PPP1R13B: variants seen among roughly 807,000 people sequenced by gnomAD.
PPP1R13B encodes the protein apoptosis-stimulating of p53 protein 1.
Under a neutral mutation model 119.8 loss-of-function variants are expected in PPP1R13B, and 44 were observed. That is an observed-to-expected ratio of 0.37 (90% CI 0.29 to 0.47). PPP1R13B has a LOEUF of 0.47. Ranked by LOEUF, PPP1R13B falls within the 20% of genes least tolerant of loss-of-function variation. The pLI is 0.99. For missense variants in PPP1R13B, 1,227 were observed against 1,413.5 expected (o/e 0.87, Z 2.12); for synonymous variants, 542 against 561.5 (o/e 0.97, Z 0.49).
chr14:103,743,315 G>A (rs1244067436), intron 9 of PPP1R13B, among the ~76,000 whole-genome samples: 1 of 152,212 alleles, frequency 6.6e-6, no homozygotes, highest in Non-Finnish European at 1.5e-5. Flanking sequence ...GCCCTCTAAG[G>A]TAACTTATGA....
At chr14:103,847,001 C>G (rs1188682274) in intron 1 of PPP1R13B, 6 of 1,179,684 alleles carry the variant, frequency 5.1e-6, no homozygotes, top group Admixed American at 3.9e-5. Context: ...AGCGTCCGAC[C>G]GCGCACCTGA....
chr14:103,789,365 T>A (rs2085556037), intron 2 of PPP1R13B, among the ~76,000 whole-genome samples: 1 of 151,694 alleles, frequency 6.6e-6, no homozygotes, highest in African/African-American at 2.4e-5. Flanking sequence ...ATTACAGGCA[T>A]GCGCCACCAC....
chr14:103,833,639 T>C (rs1288096661), intron 1 of PPP1R13B, among the ~76,000 whole-genome samples: 2 of 151,966 alleles, frequency 1.3e-5, no homozygotes, highest in East Asian at 1.9e-4. Context: ...CGAGACTCCA[T>C]CTCAAAAAAA....
rs1314819508 is a variant in PPP1R13B at position 103,797,389 on chromosome 14, C to T, written c.139G>A (p.Glu47Lys). The change falls in exon 2 of 17, where the codon GAA becomes AAA. Residue 47 changes from glutamate to lysine, a missense_variant. Physicochemically the swap from Glu to Lys is moderately conservative, Grantham distance 56 (BLOSUM62 1). Coordinates refer to ENST00000202556, the MANE Select transcript of PPP1R13B (RefSeq NM_015316.3). ...TACATACCATTTCCCCTCCACACTT[C>T]AGCTAAATGGCAGCTGCCTTCTCCA... is the stretch of plus-strand genomic sequence containing the variant. ...EPGEGSCHLA[E>K]VWRGNERPIP... The T allele has an allele frequency of 1.9e-6, 3 of 1,613,908 alleles. No homozygotes were observed. The highest frequency in any genetic ancestry group is 2.5e-6 in the Non-Finnish European group (3 of 1,179,976).
At chr14:103,766,507 G>A (rs1300299159) in intron 4 of PPP1R13B, among the ~76,000 whole-genome samples, 4 of 152,238 alleles carry the variant, frequency 2.6e-5, no homozygotes, top group Non-Finnish European at 5.9e-5. Flanking sequence ...CTTGGTATCC[G>A]TGGTTGCTCC....
Position 103,734,711 on chromosome 14 carries a change from G to A in PPP1R13B, c.*443C>T, listed in dbSNP as rs1189053410. 1 of 458,670 alleles carries A rather than the reference G, an allele frequency of 2.2e-6. No individual in the cohort carries two copies. Among genetic ancestry groups the A allele is most frequent in the Non-Finnish European group, 4.4e-6 (1 of 228,188 alleles). The allele number at this position is 458,670 out of a possible 1,614,324, so 28.4% of individuals were successfully genotyped here. ...GATCATGTGTGGGAAGTGTGAGAAA[G>A]GATGAGTGTCCGATTCGGTGACGGG... On this transcript the variant is annotated 3_prime_UTR_variant, in exon 17 of 17. Transcript: ENST00000202556.
intron 1 of PPP1R13B, among the ~76,000 whole-genome samples, chr14:103,821,941 T>A (rs543493105): frequency 6.6e-6 from 1 of 152,066 alleles, no homozygotes; most frequent in East Asian, 1.9e-4. Flanking sequence ...AATTGAGCTA[T>A]CATAAAATTA....
At position 103,745,146 on chromosome 14, in the gene PPP1R13B, G is replaced by A. The variant is rs2084355404; in HGVS notation, c.1150+1227C>T. 5.9e-5 allele frequency among the ~76,000 whole-genome samples: 9 copies of A among 152,218 alleles called. No individual in the cohort carries two copies. In the South Asian group the frequency reaches 1.9e-3, roughly 32 times the overall value. On this transcript the variant is annotated intron_variant, in intron 9 of 16. Transcript: ENST00000202556. Reference sequence around the variant, plus strand: ...CAACCCCACACTTTATGTGGCTGCTGAGACACGGCCGTAAGGGATCTGAGT... The same window carrying A: ...CAACCCCACACTTTATGTGGCTGCTAAGACACGGCCGTAAGGGATCTGAGT...
chr14:103,742,147 T>C lies in PPP1R13B; in HGVS notation c.1465A>G (p.Arg489Gly). The change falls in exon 11 of 17, where the codon AGG becomes GGG. Residue 489 changes from arginine to glycine, a missense_variant. Coordinates refer to ENST00000202556, the MANE Select transcript of PPP1R13B (RefSeq NM_015316.3). This position sits in a 1 kb window ranked among gnomAD's most constrained non-coding sequence, Gnocchi z 4.9. ...CGACTTGGCAGGCCTGCACTGGGCC[T>C]GGGCAAGCTGCCTTCCTTCCTCCTT... is the stretch of plus-strand genomic sequence containing the variant. ...LERRKEGSLP[R>G]PSAGLPSRQR... 6.2e-7 allele frequency: 1 copy of C among 1,611,458 alleles called. No homozygotes were observed. Among genetic ancestry groups the C allele is most frequent in the Non-Finnish European group, 8.5e-7 (1 of 1,180,006 alleles).
intron 1 of PPP1R13B, among the ~76,000 whole-genome samples, chr14:103,834,611 AC>A (rs2086733829): frequency 9.1e-6 from 1 of 110,236 alleles, no homozygotes; most frequent in East Asian, 2.7e-4. Flanking sequence ...TTTTTTTGAG[AC>A]CGAGTTTCGC....
rs775624271 is a variant in PPP1R13B, at chr14:103,736,101, C to T, written c.3133G>A (p.Ala1045Thr). 10 of 1,614,096 alleles carry T rather than the reference C, an allele frequency of 6.2e-6. No homozygotes were observed. Among genetic ancestry groups the T allele is most frequent in the African/African-American group, 2.7e-5 (2 of 74,934 alleles). ...SDELSFHEGD[A>T]LTILRRKDES... ...TCCTTGCGCCTCAGGATGGTGAGGG[C>T]GTCCCCTTCGTGGAAGGACAGCTCG... Residue 1045 changes from alanine (A) to threonine (T), a missense_variant, in exon 16 of 17, where the codon GCC becomes ACC. Physicochemically the swap from Ala to Thr is moderately conservative, Grantham distance 58 (BLOSUM62 0). Transcript: ENST00000202556.
In PPP1R13B at chr14:103,742,882, G is replaced by T; in HGVS notation, c.1151-59C>A. The T allele has an allele frequency of 6.3e-7, 1 of 1,577,184 alleles. No homozygotes were observed. ...TCTCAATGTAGTTGAACCAACCTAA[G>T]AATAACACTCTGCCAGAAACAAAAA... is the stretch of plus-strand genomic sequence containing the variant. On this transcript the variant is annotated intron_variant, in intron 9 of 16. Transcript: ENST00000202556. The surrounding 1 kb of genome is among the most constrained non-coding windows in gnomAD (Gnocchi z 4.9).
At chr14:103,774,285 C>G (rs921170612) in intron 4 of PPP1R13B, among the ~76,000 whole-genome samples, 1 of 152,086 alleles carries the variant, frequency 6.6e-6, no homozygotes, top group Non-Finnish European at 1.5e-5. Context: ...TTTAAAACTG[C>G]TTGGCTGAGA....
chr14:103,819,502 AAAAAACAAACAAAC>A (rs1164379149), intron 1 of PPP1R13B, among the ~76,000 whole-genome samples: 2 of 149,328 alleles, frequency 1.3e-5, no homozygotes, highest in African/African-American at 5.0e-5. Context: ...TGTCTATTAA[AAAAAACAAACAAAC>A]AAAAAAAAAC....
At chr14:103,750,952 G>A (rs961652553) in intron 7 of PPP1R13B, among the ~76,000 whole-genome samples, 2 of 144,772 alleles carry the variant, frequency 1.4e-5, no homozygotes, top group East Asian at 2.1e-4. Flanking sequence ...TCAGGAGTTC[G>A]AGACCAGCCT....
At chr14:103,821,466 G>C (rs2086405716) in intron 1 of PPP1R13B, among the ~76,000 whole-genome samples, 1 of 152,100 alleles carries the variant, frequency 6.6e-6, no homozygotes, top group African/African-American at 2.4e-5. Flanking sequence ...TAAATACAGA[G>C]GAGCACTGGG....
intron 1 of PPP1R13B, chr14:103,846,826 G>A (rs1014996126): frequency 2.1e-6 from 1 of 467,030 alleles, no homozygotes; most frequent in African/African-American, 2.0e-5. Flanking sequence ...CTCCAAATCC[G>A]TGCACTCGGC....
intron 1 of PPP1R13B, among the ~76,000 whole-genome samples, chr14:103,817,126 C>G (rs2086299492): frequency 6.6e-6 from 1 of 152,182 alleles, no homozygotes; most frequent in Non-Finnish European, 1.5e-5. Flanking sequence ...TGGAGATTAT[C>G]TATGTCATTT....
At position 103,747,487 on chromosome 14, in the gene PPP1R13B, T is replaced by G. The variant is rs532401082; in HGVS notation, c.970-934A>C. On this transcript the variant is annotated intron_variant, in intron 8 of 16. Transcript: ENST00000202556. ...TTTGGCCAAATACCAGACGACATGT[T>G]GCTGAAAAGGTATTTTCCAGATGAG... is the stretch of plus-strand genomic sequence containing the variant. 3 of 152,292 alleles carry G rather than the reference T, an allele frequency of 2.0e-5. No homozygotes were observed. The East Asian group carries it at 5.8e-4, about 29-fold the overall frequency. 9.4% of individuals were successfully genotyped at this position (152,292 alleles called of 1,614,324 possible). A position where few individuals can be genotyped will look rare whatever the true frequency, so the allele number is the denominator to read the frequency against.
Sources: allele counts gnomAD v4.1 joint callset (sites outside exome capture counted in the v4.1 genomes callset), GRCh38; gene constraint gnomAD v4.1.1; non-coding constraint Gnocchi (gnomAD v3.1); transcripts MANE v1.5; gene names NCBI Gene and HGNC (gene_info 2026-07-23, HGNC 2026-07-21).